The following CDC42BPA variants were observed in gnomAD, a reference collection of about 807,000 sequenced individuals.
CDC42BPA encodes CDC42 binding protein kinase alpha, also known as serine/threonine-protein kinase MRCK alpha.
In CDC42BPA, 80 loss-of-function variants were observed where a neutral mutation model predicts 223.5. The ratio of observed to expected loss-of-function variants is 0.36; its 90% CI spans 0.30 to 0.43. The LOEUF (loss-of-function observed/expected upper bound fraction) is 0.43. Ranked by LOEUF, CDC42BPA falls within the 20% of genes least tolerant of loss-of-function variation. The probability of loss-of-function intolerance (pLI) is 1.00; values close to 1 mark genes in which losing one functional copy is unlikely to be tolerated. For synonymous variants in CDC42BPA, 694 were observed against 718.6 expected (o/e 0.97, Z 0.55); for missense variants, 1,743 against 2,099.9 (o/e 0.83, Z 3.32).
chr1:227,159,863 G>A (rs1663550835), intron 6 of CDC42BPA, among the ~76,000 whole-genome samples: 1 of 151,748 alleles, frequency 6.6e-6, no homozygotes, highest in African/African-American at 2.4e-5. Context: ...TGAGGGGGTG[G>A]GAGACAGGAC....
intron 1 of CDC42BPA, among the ~76,000 whole-genome samples, chr1:227,280,679 A>C (rs1373072108): frequency 6.6e-6 from 1 of 152,250 alleles, no homozygotes; most frequent in Non-Finnish European, 1.5e-5. Context: ...GATCTTTTAA[A>C]AACTAAAATT....
intron 35 of CDC42BPA, among the ~76,000 whole-genome samples, chr1:226,997,551 A>G (rs2148259806): frequency 6.6e-6 from 1 of 152,146 alleles, no homozygotes; most frequent in Non-Finnish European, 1.5e-5. Flanking sequence ...TAGGGTGTCG[A>G]TTTTAGATCT....
At chr1:227,028,479 C>T (rs1158451467) in intron 30 of CDC42BPA, among the ~76,000 whole-genome samples, 178 bp downstream of exon 30, 1 of 152,164 alleles carries the variant, frequency 6.6e-6, no homozygotes, top group East Asian at 1.9e-4. Flanking sequence ...GCCCTGTTTG[C>T]CCAGGCCTAA....
At chr1:227,116,339 G>A (rs1687773808) in intron 12 of CDC42BPA, among the ~76,000 whole-genome samples, 1 of 151,976 alleles carries the variant, frequency 6.6e-6, no homozygotes, top group South Asian at 2.1e-4. Context: ...AGCACAGAAG[G>A]GCACATTTAA....
chr1:227,214,689 G>C (rs1674522044), intron 2 of CDC42BPA, among the ~76,000 whole-genome samples: 1 of 152,116 alleles, frequency 6.6e-6, no homozygotes, highest in Admixed American at 6.5e-5. Context: ...TATTCTGATT[G>C]AGGGAAGAAT....
chr1:227,297,024 T>C (rs1023926297), intron 1 of CDC42BPA, among the ~76,000 whole-genome samples: 2 of 152,166 alleles, frequency 1.3e-5, no homozygotes, highest in African/African-American at 4.8e-5. Flanking sequence ...AGACTATGCA[T>C]ATGGGGAGGC....
chr1:227,160,692 G>A, intron 5 of CDC42BPA, 56 bp from the exon 6 acceptor site: 2 of 951,552 alleles, frequency 2.1e-6, no homozygotes, highest in South Asian at 1.6e-5. Context: ...TCATTGTTTG[G>A]TAAGATATTC....
intron 2 of CDC42BPA, among the ~76,000 whole-genome samples, chr1:227,243,157 C>T (rs1680293275): frequency 6.6e-6 from 1 of 152,132 alleles, no homozygotes; most frequent in Non-Finnish European, 1.5e-5. Flanking sequence ...GAACAACACA[C>T]ACTGGGACCT....
chr1:227,244,746 T>C (rs1053200957), intron 2 of CDC42BPA, among the ~76,000 whole-genome samples: 18 of 152,140 alleles, frequency 1.2e-4, no homozygotes, highest in Non-Finnish European at 2.6e-4. Context: ...CAGTACCTGG[T>C]TTTAACTTCA....
intron 4 of CDC42BPA, among the ~76,000 whole-genome samples, chr1:227,196,889 ATTC>A (rs1670849735): frequency 6.6e-6 from 1 of 152,234 alleles, no homozygotes; most frequent in Non-Finnish European, 1.5e-5. Flanking sequence ...GGTTCATTAT[ATTC>A]TAGTGTTATG....
chr1:227,212,445 T>A (rs1262999448), intron 3 of CDC42BPA, among the ~76,000 whole-genome samples: 2 of 152,094 alleles, frequency 1.3e-5, no homozygotes, highest in Non-Finnish European at 2.9e-5. Context: ...GACAGAATTC[T>A]ACACCAGTTA....
intron 3 of CDC42BPA, among the ~76,000 whole-genome samples, chr1:227,200,318 C>A (rs1308099697): frequency 1.3e-5 from 2 of 151,918 alleles, no homozygotes; most frequent in Non-Finnish European, 2.9e-5. Context: ...GTAATCCCAG[C>A]CACTCAGGAG....
chr1:227,308,258 C>A (rs1692900962), intron 1 of CDC42BPA, among the ~76,000 whole-genome samples: 1 of 152,090 alleles, frequency 6.6e-6, no homozygotes, highest in Admixed American at 6.6e-5. Flanking sequence ...AAAATCCCAG[C>A]ACTTTGGGAG....
At chr1:227,227,687 T>A (rs891354009) in intron 2 of CDC42BPA, among the ~76,000 whole-genome samples, 10 of 152,158 alleles carry the variant, frequency 6.6e-5, no homozygotes, top group Non-Finnish European at 1.2e-4. Flanking sequence ...GACTTTGAAT[T>A]TTCCCTCTGG....
chr1:227,199,803 C>G, intron 3 of CDC42BPA, 151 bp from the exon 4 acceptor site: 1 of 445,536 alleles, frequency 2.2e-6, no homozygotes, highest in Non-Finnish European at 3.9e-6. Flanking sequence ...TTCAAACCAC[C>G]CTCAGAAACT....
At chr1:227,096,465 C>CTG (rs1558487856) in intron 15 of CDC42BPA, among the ~76,000 whole-genome samples, 1 of 152,168 alleles carries the variant, frequency 6.6e-6, no homozygotes, top group Non-Finnish European at 1.5e-5. Context: ...GATTCTGTAA[C>CTG]TACTTTTTCA....
chr1:227,052,114 T>C (rs373899081), intron 21 of CDC42BPA, 129 bp from the exon 22 acceptor site: 6 of 447,686 alleles, frequency 1.3e-5, no homozygotes, highest in South Asian at 1.7e-5. Context: ...AAACTTTAGT[T>C]TGAATATTCA....
intron 5 of CDC42BPA, among the ~76,000 whole-genome samples, chr1:227,171,968 T>A (rs1412081077): frequency 6.6e-6 from 1 of 152,154 alleles, no homozygotes; most frequent in Admixed American, 6.5e-5. Context: ...TTCCTTTTTA[T>A]CATTTATATA....
At chr1:227,274,284 C>A (rs950784551) in intron 1 of CDC42BPA, among the ~76,000 whole-genome samples, 15 of 152,044 alleles carry the variant, frequency 9.9e-5, no homozygotes, top group African/African-American at 2.7e-4. Flanking sequence ...AGGCACCTGA[C>A]CCAAACTATT....
Sources: gnomAD v4.1 joint callset for allele counts (sites outside exome capture counted in the v4.1 genomes callset) on GRCh38, gnomAD v4.1.1 for gene constraint, MANE v1.5 for transcripts, NCBI Gene and HGNC (gene_info 2026-07-23, HGNC 2026-07-21) for gene names.